TOGARAM2: variants seen among roughly 807,000 people sequenced by gnomAD.
The protein encoded by TOGARAM2 is TOG array regulator of axonemal microtubules protein 2.
A neutral mutation model predicts 93.3 loss-of-function variants in TOGARAM2; 85 were observed. The ratio of observed to expected loss-of-function variants is 0.91; its 90% CI spans 0.76 to 1.09. The LOEUF (loss-of-function observed/expected upper bound fraction) is 1.09, where lower values mean the gene tolerates loss of function less well. TOGARAM2 is among the 50% of genes least tolerant of loss of function. TOGARAM2 has a pLI of 0.00. For missense variants in TOGARAM2, 1,277 were observed against 1,334.5 expected, an observed-to-expected ratio of 0.96 and a Z score of 0.67; for synonymous variants, 593 against 552.8, an observed-to-expected ratio of 1.07 and a Z score of -1.02.
chr2:28,970,735 C>T (rs1671938199), intron 1 of TOGARAM2, among the ~76,000 whole-genome samples: 1 of 152,350 alleles, frequency 6.6e-6, no homozygotes, highest in East Asian at 1.9e-4. Context: ...CCTGAGCTTG[C>T]TGTCAAACTC....
chr2:28,966,577 T>TGC (rs1389003535), intron 1 of TOGARAM2, among the ~76,000 whole-genome samples: 1 of 152,232 alleles, frequency 6.6e-6, no homozygotes, highest in South Asian at 2.1e-4. Flanking sequence ...ATTACAGGTG[T>TGC]GAGCCACCGT....
At chr2:28,997,314 T>C (rs1279842669) in intron 2 of TOGARAM2, among the ~76,000 whole-genome samples, 2 of 152,248 alleles carry the variant, frequency 1.3e-5, no homozygotes, top group Non-Finnish European at 2.9e-5. Context: ...AAGGAGCGCA[T>C]GCCTTAGCTG....
chr2:29,013,300 G>A (rs916787507), intron 7 of TOGARAM2, among the ~76,000 whole-genome samples: 3 of 152,258 alleles, frequency 2.0e-5, no homozygotes, highest in African/African-American at 7.2e-5. Context: ...AGCATTCGAA[G>A]GTTACTGGCT....
intron 1 of TOGARAM2, among the ~76,000 whole-genome samples, chr2:28,958,611 T>C (rs1281393883): frequency 3.3e-5 from 5 of 152,102 alleles, no homozygotes; most frequent in Admixed American, 6.6e-5. Context: ...TGACATTCCA[T>C]TTTTGGATTT....
rs750379726 is a variant in TOGARAM2 at position 28,994,821 on chromosome 2, T to C, written c.-14T>C. 6.4e-7 allele frequency: 1 copy of C among 1,552,058 alleles called. No individual in the cohort carries two copies. Among genetic ancestry groups the C allele is most frequent in the South Asian group, 1.2e-5 (1 of 84,064 alleles). On this transcript the variant is annotated 5_prime_UTR_variant, in exon 2 of 20. Transcript: ENST00000379558. Reference sequence around the variant, plus strand: ...CCTCTGGGCAACCTTGTAGGCACCTTCTCCACCCAGGACATGGGCACCCGT... The same window carrying C: ...CCTCTGGGCAACCTTGTAGGCACCTCCTCCACCCAGGACATGGGCACCCGT...
At chr2:28,968,182 G>A (rs1323790567) in intron 1 of TOGARAM2, among the ~76,000 whole-genome samples, 2 of 152,136 alleles carry the variant, frequency 1.3e-5, no homozygotes, top group Non-Finnish European at 2.9e-5. Flanking sequence ...AAAAATCTCA[G>A]CAATGTTACA....
chr2:29,027,392 A>C (rs538818636), intron 14 of TOGARAM2, among the ~76,000 whole-genome samples: 64 of 152,300 alleles, frequency 4.2e-4, no homozygotes, highest in African/African-American at 1.5e-3. Flanking sequence ...TCCCTATTGT[A>C]TTGGAGCTTA....
In TOGARAM2 at chr2:29,024,380, T is replaced by A; in HGVS notation, c.1853+6T>A. 6.7e-7 allele frequency: 1 copy of A among 1,498,480 alleles called. No homozygotes were observed. Among genetic ancestry groups the A allele is most frequent in the Non-Finnish European group, 9.0e-7 (1 of 1,110,102 alleles). 92.8% of individuals were successfully genotyped at this position (1,498,480 alleles called of 1,614,324 possible). A position where few individuals can be genotyped will look rare whatever the true frequency, so the allele number is the denominator to read the frequency against. On this transcript the variant is annotated splice_donor_region_variant and intron_variant, in intron 13 of 19. Transcript: ENST00000379558. ...CTCACCTCGGCGGGTGTCTAGTATG[T>A]GGCTGCCTGTTGTCTGAGGGGCGGG... is the stretch of plus-strand genomic sequence containing the variant.
chr2:29,006,220 T>TGA (rs1309065725), intron 6 of TOGARAM2, among the ~76,000 whole-genome samples: 3 of 148,674 alleles, frequency 2.0e-5, no homozygotes, highest in African/African-American at 7.5e-5. Flanking sequence ...TTTGTGTGTG[T>TGA]GACTGTGTGT....
At chr2:29,032,788 AT>A in intron 14 of TOGARAM2, 145 bp from the exon 15 acceptor site, 1 of 622,362 alleles carries the variant, frequency 1.6e-6, no homozygotes. Flanking sequence ...TTATTAATCT[AT>A]TTTTTAACTG....
At chr2:28,957,346 C>A (rs895733782) in intron 1 of TOGARAM2, among the ~76,000 whole-genome samples, 26 of 151,870 alleles carry the variant, frequency 1.7e-4, no homozygotes, top group Admixed American at 7.2e-4. Flanking sequence ...ACGCCTGGCT[C>A]ATTTTTGTAT....
chr2:29,001,135 T>G (rs936112108), intron 4 of TOGARAM2, among the ~76,000 whole-genome samples: 38 of 152,186 alleles, frequency 2.5e-4, no homozygotes, highest in African/African-American at 9.2e-4. Flanking sequence ...GACTCCTCTG[T>G]GCCCTGACCC....
rs372746015 is a variant in TOGARAM2, at chr2:28,993,598, C to A, written c.-110-1127C>A. 1.7e-4 allele frequency among the ~76,000 whole-genome samples: 26 copies of A among 152,328 alleles called. No homozygotes were observed. In the East Asian group the frequency reaches 3.9e-3, roughly 23 times the overall value. ...CAGTAGATATTAAACAGAGAGTTCC[C>A]CTCTCCCTGGTTGTGAGGAAAATTC... On this transcript the variant is annotated intron_variant, in intron 1 of 19. Coordinates refer to ENST00000379558, the MANE Select transcript of TOGARAM2 (RefSeq NM_199280.4).
intron 7 of TOGARAM2, 66 bp from the exon 8 acceptor site, chr2:29,014,329 A>T: frequency 2.6e-6 from 4 of 1,547,326 alleles, no homozygotes; most frequent in Non-Finnish European, 3.5e-6. Context: ...TGAGCCAGCC[A>T]CAGGGTCAGT....
At position 29,036,745 on chromosome 2, in the gene TOGARAM2, G is replaced by A. The variant is rs1229234487; in HGVS notation, c.2623G>A (p.Val875Ile). 2 of 1,612,896 alleles carry A rather than the reference G, an allele frequency of 1.2e-6. No individual in the cohort carries two copies. The highest frequency in any genetic ancestry group is 1.7e-6 in the Non-Finnish European group (2 of 1,179,504). The change falls in exon 18 of 20, where the codon GTT (valine) becomes ATT (isoleucine). Residue 875 changes from valine to isoleucine, a missense_variant. Physicochemically the swap from Val to Ile is conservative, Grantham distance 29. Coordinates refer to ENST00000379558, the MANE Select transcript of TOGARAM2 (RefSeq NM_199280.4). ...AAAVAVLDAM[V>I]ESLDNLCLLP... is the part of the protein sequence containing the mutation. ...TGCCGTGGCTGTGCTGGATGCGATGGTTGAGAGCCTGGGTGAGTGTCCCAC... is the reference window on the plus strand; with the variant it reads ...TGCCGTGGCTGTGCTGGATGCGATGATTGAGAGCCTGGGTGAGTGTCCCAC...
At chr2:29,034,900 C>G (rs1404690791) in intron 16 of TOGARAM2, among the ~76,000 whole-genome samples, 1 of 152,110 alleles carries the variant, frequency 6.6e-6, no homozygotes, top group Non-Finnish European at 1.5e-5. Flanking sequence ...ACTTATAATT[C>G]CAGCACTTTG....
At chr2:28,961,196 G>A (rs530362766) in intron 1 of TOGARAM2, among the ~76,000 whole-genome samples, 5 of 152,114 alleles carry the variant, frequency 3.3e-5, no homozygotes, top group Non-Finnish European at 5.9e-5. Context: ...TAGAAGCTCC[G>A]AGACTGATAT....
At position 29,045,560 on chromosome 2, in the gene TOGARAM2, G is replaced by A. The variant is rs1027771621; in HGVS notation, c.2722+150G>A. ...TTGAAAATCTGCTTTTTTTGTGTGT[G>A]ACAATCTCCATATTGCCAGAAGACA... On this transcript the variant is annotated intron_variant, in intron 19 of 19. Transcript: ENST00000379558. 21 of 693,324 alleles carry A rather than the reference G, an allele frequency of 3.0e-5. No homozygotes were observed. The African/African-American group carries it at 3.2e-4, about 10-fold the overall frequency. 42.9% of individuals were successfully genotyped at this position (693,324 alleles called of 1,614,324 possible).
Position 29,029,292 on chromosome 2 carries a change from C to T in TOGARAM2, c.2012+2281C>T, listed in dbSNP as rs541455977. Among the ~76,000 whole-genome samples the T allele has an allele frequency of 2.5e-3, 376 of 152,156 alleles. 3 individuals carry two copies. The highest frequency in any genetic ancestry group is 8.7e-3 in the African/African-American group (360 of 41,520). On this transcript the variant is annotated intron_variant, in intron 14 of 19. Transcript: ENST00000379558. Reference sequence around the variant, plus strand: ...ACACACACACACACACACACACACACACACACTGGAATACTTAGTCATAAA... The same window carrying T: ...ACACACACACACACACACACACACATACACACTGGAATACTTAGTCATAAA...
Sources: gnomAD v4.1 joint callset for allele counts (sites outside exome capture counted in the v4.1 genomes callset) on GRCh38, gnomAD v4.1.1 for gene constraint, MANE v1.5 for transcripts, NCBI Gene and HGNC (gene_info 2026-07-23, HGNC 2026-07-21) for gene names.